Variants in DAPK2 observed in about 807,000 individuals in gnomAD.
The protein encoded by DAPK2 is death-associated protein kinase 2.
Under a neutral mutation model 44.1 loss-of-function variants are expected in DAPK2, and 35 were observed. That is an observed-to-expected ratio of 0.79 (90% CI 0.61 to 1.05). DAPK2 has a LOEUF of 1.05. Among genes scored for constraint, DAPK2 ranks in the 50% least tolerant of loss-of-function variants. The probability of loss-of-function intolerance (pLI) is 0.00; values close to 1 mark genes in which losing one functional copy is unlikely to be tolerated. For synonymous variants in DAPK2, 174 were observed against 182.6 expected, an observed-to-expected ratio of 0.95 and a Z score of 0.38; for missense variants, 453 against 483.2, an observed-to-expected ratio of 0.94 and a Z score of 0.59.
intron 3 of DAPK2, among the ~76,000 whole-genome samples, chr15:63,953,354 T>C (rs182079690): frequency 6.6e-6 from 1 of 152,332 alleles, no homozygotes; most frequent in Non-Finnish European, 1.5e-5. Flanking sequence ...TTAGCATGCA[T>C]AAATGAGAAC....
chr15:63,911,879 G>T, intron 10 of DAPK2, 29 bp downstream of exon 11: 1 of 1,608,146 alleles, frequency 6.2e-7, no homozygotes, highest in Non-Finnish European at 8.5e-7. Context: ...CCAGAATTCT[G>T]CCCAAGAAGA....
rs2077265295 is a variant in DAPK2 at position 63,939,993 on chromosome 15, C to T, written c.454-632G>A. 6.6e-6 allele frequency among the ~76,000 whole-genome samples: 1 copy of T among 152,220 alleles called. No individual in the cohort carries two copies. The highest frequency in any genetic ancestry group is 1.9e-4 in the East Asian group (1 of 5,194). ...TACCAGCTGCTCAGGCTATTTCCAG[C>T]CCAGCAAGCAGCTGCCAGGTCTGAC... On this transcript the variant is annotated intron_variant, in intron 3 of 10. Coordinates refer to ENST00000261891, the Ensembl canonical transcript of DAPK2. This position sits in a 1 kb window ranked among gnomAD's most constrained non-coding sequence, Gnocchi z 4.3.
At chr15:63,985,891 C>T (rs1169543418) in intron 1 of DAPK2, among the ~76,000 whole-genome samples, 1 of 152,200 alleles carries the variant, frequency 6.6e-6, no homozygotes, top group Non-Finnish European at 1.5e-5. Flanking sequence ...TTTGCTTTTC[C>T]TGCCTGAGTT....
At chr15:64,026,676 T>C (rs332275) in intron 1 of DAPK2, among the ~76,000 whole-genome samples, 1 of 152,130 alleles carries the variant, frequency 6.6e-6, no homozygotes, top group East Asian at 1.9e-4. Context: ...CTCAGAAAAC[T>C]TCCTGAGAAA....
chr15:63,974,265 T>C (rs955005384), intron 2 of DAPK2, among the ~76,000 whole-genome samples: 1 of 152,212 alleles, frequency 6.6e-6, no homozygotes, highest in African/African-American at 2.4e-5. Flanking sequence ...TTAAAGATGT[T>C]TATTCTGAGC....
At chr15:63,910,528 C>T (rs2078759680) in intron 10 of DAPK2, 2 of 152,170 alleles carry the variant, frequency 1.3e-5, no homozygotes, top group South Asian at 4.1e-4. Flanking sequence ...GAGGATTTTA[C>T]TTTTTTAATT....
intron 1 of DAPK2, among the ~76,000 whole-genome samples, chr15:64,007,520 CTGGG>C (rs2079267067): frequency 6.6e-6 from 1 of 152,190 alleles, no homozygotes; most frequent in African/African-American, 2.4e-5. Context: ...AAAGTCAATG[CTGGG>C]AAGGCAGGCA....
At chr15:64,039,986 T>C (rs888775456) in intron 1 of DAPK2, among the ~76,000 whole-genome samples, 184 bp downstream of exon 2, 2 of 152,230 alleles carry the variant, frequency 1.3e-5, no homozygotes, top group African/African-American at 4.8e-5. Context: ...TACTGGCAAG[T>C]CATTATTTCC....
chr15:63,911,967 A>C, exon 10 of DAPK2: 2 of 1,614,068 alleles, frequency 1.2e-6, no homozygotes, highest in Non-Finnish European at 1.7e-6. Context: ...AGGTGGTTGC[A>C]CAGGGACACG....
intron 2 of DAPK2, among the ~76,000 whole-genome samples, chr15:63,978,277 C>T (rs2078409856): frequency 6.6e-6 from 1 of 152,182 alleles, no homozygotes. Context: ...CCTTAGTCTG[C>T]CAGCCCCTGC....
intron 1 of DAPK2, among the ~76,000 whole-genome samples, chr15:64,024,283 G>A (rs572670878): frequency 3.9e-5 from 6 of 152,298 alleles, no homozygotes; most frequent in African/African-American, 1.4e-4. Flanking sequence ...TCACAGAGGA[G>A]GTGCAGCCTT....
At chr15:63,910,139 G>A (rs898473206) in intron 10 of DAPK2, among the ~76,000 whole-genome samples, 12 of 152,252 alleles carry the variant, frequency 7.9e-5, no homozygotes, top group Admixed American at 2.0e-4. Flanking sequence ...GATTCTCAGC[G>A]GGAGAGCGGT....
At chr15:64,026,094 G>A (rs950426148) in intron 1 of DAPK2, among the ~76,000 whole-genome samples, 9 of 152,166 alleles carry the variant, frequency 5.9e-5, no homozygotes, top group African/African-American at 2.2e-4. Context: ...GGGGTGAGGG[G>A]CAATCTTGAG....
chr15:63,981,353 G>C (rs1162741979), intron 2 of DAPK2, among the ~76,000 whole-genome samples: 1 of 152,030 alleles, frequency 6.6e-6, no homozygotes, highest in Non-Finnish European at 1.5e-5. Context: ...CTCCATAACT[G>C]TAAGAAATAA....
chr15:63,968,819 A>G (rs1595821362), intron 3 of DAPK2, among the ~76,000 whole-genome samples: 1 of 152,092 alleles, frequency 6.6e-6, no homozygotes, highest in Admixed American at 6.5e-5. Context: ...AACATCACGA[A>G]CCTGCTGCAG....
chr15:63,960,373 T>A (rs1407945177), intron 3 of DAPK2, among the ~76,000 whole-genome samples: 5 of 152,232 alleles, frequency 3.3e-5, no homozygotes, highest in African/African-American at 1.2e-4. Flanking sequence ...TGATCTTAGT[T>A]ATTTATTGCC....
At chr15:64,029,390 T>C (rs332240) in intron 1 of DAPK2, among the ~76,000 whole-genome samples, 142,557 of 152,154 alleles carry the variant, frequency 0.94, 67,536 homozygotes, top group East Asian at 1. Flanking sequence ...TCCCTTCACC[T>C]TCTCCACATG....
At chr15:64,016,905 A>G (rs533003278) in intron 1 of DAPK2, among the ~76,000 whole-genome samples, 1 of 151,736 alleles carries the variant, frequency 6.6e-6, no homozygotes, top group East Asian at 1.9e-4. Context: ...GGAAGGACGG[A>G]CATGTAAAAT....
chr15:64,036,271 ATATG>A (rs1331707310), intron 1 of DAPK2, among the ~76,000 whole-genome samples: 4,373 of 85,170 alleles, frequency 0.051, 388 homozygotes, highest in African/African-American at 0.13. Context: ...AAATATATAT[ATATG>A]TGTGTGTGTG....
Sources: gnomAD v4.1 joint callset for allele counts (sites outside exome capture counted in the v4.1 genomes callset) on GRCh38, gnomAD v4.1.1 for gene constraint, Gnocchi (gnomAD v3.1) non-coding constraint, MANE v1.5 for transcripts, NCBI Gene and HGNC (gene_info 2026-07-23, HGNC 2026-07-21) for gene names.